Variants in UPP2 observed in about 807,000 individuals in gnomAD.
The protein encoded by UPP2 is uridine phosphorylase 2.
UPP2 carries 23 observed loss-of-function variants against 26.7 expected under a neutral mutation model. That is an observed-to-expected ratio of 0.86 (90% CI 0.62 to 1.22). The LOEUF (loss-of-function observed/expected upper bound fraction) is 1.22, where lower values mean the gene tolerates loss of function less well. Among genes scored for constraint, UPP2 ranks in the 50% most tolerant of loss-of-function variants. The probability of loss-of-function intolerance (pLI) is 0.00; values close to 1 mark genes in which losing one functional copy is unlikely to be tolerated. For synonymous variants in UPP2, 127 were observed against 141.3 expected, an observed-to-expected ratio of 0.90 and a Z score of 0.72; for missense variants, 387 against 396.7, an observed-to-expected ratio of 0.98 and a Z score of 0.21.
At chr2:158,085,647 A>G (rs1682802923) in intron 3 of UPP2, among the ~76,000 whole-genome samples, 1 of 152,084 alleles carries the variant, frequency 6.6e-6, no homozygotes, top group Non-Finnish European at 1.5e-5. Context: ...TTTGTCATAG[A>G]TGGCTTTTAT....
At chr2:158,033,334 A>C (rs145446274) in intron 3 of UPP2, among the ~76,000 whole-genome samples, 2 of 152,316 alleles carry the variant, frequency 1.3e-5, no homozygotes, top group Admixed American at 1.3e-4. Context: ...AAAGGCTTAC[A>C]GATGCTCTCA....
chr2:158,120,479 G>A (rs1683540946), intron 4 of UPP2, among the ~76,000 whole-genome samples: 1 of 152,032 alleles, frequency 6.6e-6, no homozygotes, highest in Admixed American at 6.6e-5. Flanking sequence ...CAGGCACAGA[G>A]CTAGACCAGG....
In UPP2 at chr2:158,121,394, A is replaced by G; in HGVS notation, c.455-15A>G. On this transcript the variant is annotated splice_polypyrimidine_tract_variant and intron_variant, in intron 4 of 6. Transcript: ENST00000005756. ...AAACGATATTCTTCTGTAATCATTT[A>G]TTCCCACATTGCAGGGATTGCACCA... is the stretch of plus-strand genomic sequence containing the variant. 1.2e-6 allele frequency: 2 copies of G among 1,603,280 alleles called. No individual in the cohort carries two copies. Among genetic ancestry groups the G allele is most frequent in the African/African-American group, 2.7e-5 (2 of 74,934 alleles).
intron 3 of UPP2, among the ~76,000 whole-genome samples, chr2:158,072,709 A>T (rs13427050): frequency 0.065 from 9,966 of 152,256 alleles, 595 homozygotes; most frequent in East Asian, 0.14. Flanking sequence ...CAGGGAAGAG[A>T]ACAAGAATTC....
intron 1 of UPP2, among the ~76,000 whole-genome samples, chr2:158,105,510 C>T (rs935340124): frequency 6.6e-6 from 1 of 152,188 alleles, no homozygotes; most frequent in African/African-American, 2.4e-5. Context: ...CACACATCAG[C>T]AACTCACTGA....
At chr2:158,066,544 G>A (rs927215764) in intron 3 of UPP2, among the ~76,000 whole-genome samples, 2 of 151,690 alleles carry the variant, frequency 1.3e-5, no homozygotes, top group Non-Finnish European at 2.9e-5. Context: ...TGAAAGTAGG[G>A]CCTACATAGT....
intron 3 of UPP2, among the ~76,000 whole-genome samples, chr2:158,067,521 A>G (rs930421033): frequency 6.6e-6 from 1 of 152,152 alleles, no homozygotes; most frequent in Non-Finnish European, 1.5e-5. Flanking sequence ...AAATTTGTAA[A>G]GGAATATGGA....
intron 3 of UPP2, among the ~76,000 whole-genome samples, chr2:158,047,504 G>A (rs369682832): frequency 2.0e-4 from 30 of 152,274 alleles, no homozygotes; most frequent in African/African-American, 5.5e-4. Context: ...GTTTAAACCC[G>A]GGCATTGTTC....
At chr2:158,010,533 G>A (rs1307139372) in intron 2 of UPP2, among the ~76,000 whole-genome samples, 2 of 152,180 alleles carry the variant, frequency 1.3e-5, no homozygotes, top group East Asian at 3.9e-4. Flanking sequence ...GGGCATAAGT[G>A]GAATCCTCCC....
chr2:158,120,557 C>G (rs1683543090), intron 4 of UPP2, among the ~76,000 whole-genome samples: 1 of 151,894 alleles, frequency 6.6e-6, no homozygotes, highest in South Asian at 2.1e-4. Flanking sequence ...AAAAGATAAA[C>G]AAATGGGTAA....
intron 3 of UPP2, among the ~76,000 whole-genome samples, chr2:158,117,054 T>C (rs1683446578): frequency 6.6e-6 from 1 of 152,084 alleles, no homozygotes; most frequent in Non-Finnish European, 1.5e-5. Context: ...GACTCTCTGC[T>C]GTTATGTCAG....
At chr2:158,031,817 G>A (rs1683925842) in intron 3 of UPP2, among the ~76,000 whole-genome samples, 1 of 152,044 alleles carries the variant, frequency 6.6e-6, no homozygotes, top group Non-Finnish European at 1.5e-5. Context: ...CTTCAAAACT[G>A]GAATCCCTTG....
At chr2:158,118,896 G>T (rs2105225304) in intron 4 of UPP2, among the ~76,000 whole-genome samples, 1 of 152,174 alleles carries the variant, frequency 6.6e-6, no homozygotes, top group East Asian at 1.9e-4. Context: ...TGGAAAAGAT[G>T]ATGGCTTTCC....
chr2:158,060,092 A>G (rs1000461203), intron 3 of UPP2, among the ~76,000 whole-genome samples: 4 of 152,064 alleles, frequency 2.6e-5, no homozygotes, highest in Admixed American at 2.6e-4. Flanking sequence ...GCGTGCATGC[A>G]TGTGTGTACA....
At chr2:158,061,116 T>A (rs1474635487) in intron 3 of UPP2, among the ~76,000 whole-genome samples, 1 of 152,230 alleles carries the variant, frequency 6.6e-6, no homozygotes, top group Non-Finnish European at 1.5e-5. Context: ...GCTAACTATG[T>A]TAATTATAGC....
Position 158,069,871 on chromosome 2 carries a change from C to T in UPP2, c.148-32169C>T, listed in dbSNP as rs533337053. ...GATCAGAGAGCCAGCATGGTCAGTT[C>T]CTAGTAAAGGCCTTCTTCCAACAAG... is the stretch of plus-strand genomic sequence containing the variant. On this transcript the variant is annotated intron_variant, in intron 3 of 9. Transcript: ENST00000605860. Among the ~76,000 whole-genome samples, 3 of 152,238 alleles carry T rather than the reference C, an allele frequency of 2.0e-5. No homozygotes were observed. The South Asian group carries it at 6.2e-4, about 32-fold the overall frequency.
At chr2:157,997,631 C>T (rs1167427592) in intron 2 of UPP2, among the ~76,000 whole-genome samples, 3 of 152,122 alleles carry the variant, frequency 2.0e-5, no homozygotes, top group Non-Finnish European at 4.4e-5. Flanking sequence ...GTACCACATC[C>T]TGTTAAGACA....
intron 2 of UPP2, among the ~76,000 whole-genome samples, chr2:158,107,961 A>G (rs1465896911): frequency 6.6e-6 from 1 of 152,182 alleles, no homozygotes; most frequent in East Asian, 1.9e-4. Context: ...TTAATACTCA[A>G]TAACCAGATT....
At chr2:158,068,936 G>C (rs1428705464) in intron 3 of UPP2, among the ~76,000 whole-genome samples, 1 of 141,876 alleles carries the variant, frequency 7.0e-6, no homozygotes, top group Non-Finnish European at 1.5e-5. Flanking sequence ...TCCTGCCTCA[G>C]CCTCCCCAGT....
Sources: gnomAD v4.1 joint callset for allele counts (sites outside exome capture counted in the v4.1 genomes callset) on GRCh38, gnomAD v4.1.1 for gene constraint, MANE v1.5 for transcripts, NCBI Gene and HGNC (gene_info 2026-07-23, HGNC 2026-07-21) for gene names.